EPHB1: variants seen among roughly 807,000 people sequenced by gnomAD.
The protein encoded by EPHB1 is ephrin type-B receptor 1.
EPHB1 carries 30 observed loss-of-function variants against 94.4 expected under a neutral mutation model. The ratio of observed to expected loss-of-function variants is 0.32; its 90% CI spans 0.24 to 0.43. EPHB1 has a LOEUF of 0.43. Among genes scored for constraint, EPHB1 ranks in the 20% least tolerant of loss-of-function variants. EPHB1 has a pLI of 1.00. For synonymous variants in EPHB1, 522 were observed against 489.1 expected (o/e 1.07, Z -0.89); for missense variants, 1,055 against 1,308.3 (o/e 0.81, Z 2.99).
intron 12 of EPHB1, among the ~76,000 whole-genome samples, chr3:135,237,687 G>A (rs908152995): frequency 6.6e-5 from 10 of 152,170 alleles, no homozygotes; most frequent in African/African-American, 9.7e-5. Context: ...TTCTGTGTCC[G>A]TATGAATGCA....
chr3:135,186,399 C>T (rs1012116446), intron 10 of EPHB1, among the ~76,000 whole-genome samples: 3 of 152,316 alleles, frequency 2.0e-5, no homozygotes, highest in East Asian at 1.9e-4. Flanking sequence ...GTTCTGCTCT[C>T]CCTGGTTTAG....
intron 1 of EPHB1, among the ~76,000 whole-genome samples, chr3:134,845,568 T>A (rs2036856532): frequency 6.6e-6 from 1 of 152,102 alleles, no homozygotes; most frequent in Admixed American, 6.5e-5. Flanking sequence ...TGTCCATGCC[T>A]CTTTGCCGTG....
At position 135,135,305 on chromosome 3, in the gene EPHB1, A is replaced by G. The variant is rs929419090; in HGVS notation, c.1297+2256A>G. Among the ~76,000 whole-genome samples, 6 of 152,178 alleles carry G rather than the reference A, an allele frequency of 3.9e-5. No homozygotes were observed. The East Asian group carries it at 1.2e-3, about 29-fold the overall frequency. ...GTGGTTCCTAATCTATGGGCTGTGG[A>G]CTGAGGAACAGGGTGCCATCGCACT... On this transcript the variant is annotated intron_variant, in intron 5 of 15. Transcript: ENST00000398015.
At chr3:135,048,374 A>G (rs1235029673) in intron 3 of EPHB1, among the ~76,000 whole-genome samples, 1 of 142,706 alleles carries the variant, frequency 7.0e-6, no homozygotes, top group Non-Finnish European at 1.5e-5. Context: ...GGCTTGGGTG[A>G]TTCTCCCACC....
chr3:134,899,890 A>T (rs1387376833), intron 1 of EPHB1, among the ~76,000 whole-genome samples: 1 of 152,188 alleles, frequency 6.6e-6, no homozygotes, highest in Non-Finnish European at 1.5e-5. Flanking sequence ...CAAGGGTATA[A>T]CAGAGAGTCA....
chr3:135,142,665 C>T (rs909707574), intron 5 of EPHB1, among the ~76,000 whole-genome samples: 1 of 152,038 alleles, frequency 6.6e-6, no homozygotes, highest in African/African-American at 2.4e-5. Flanking sequence ...TTTTGAAAAT[C>T]GAGTGACTTT....
intron 7 of EPHB1, among the ~76,000 whole-genome samples, chr3:135,163,443 G>T (rs377537834): frequency 1.7e-4 from 26 of 152,248 alleles, no homozygotes; most frequent in African/African-American, 6.3e-4. Context: ...GTTTATTTGA[G>T]GTGGACTTTC....
intron 3 of EPHB1, among the ~76,000 whole-genome samples, chr3:135,048,248 C>T (rs796918312): frequency 6.5e-3 from 567 of 87,000 alleles, no homozygotes; most frequent in Middle Eastern, 0.014. Context: ...CTTTTTCTTT[C>T]TTTCTTTTTT....
rs141634767 is a variant in EPHB1 at position 135,243,623 on chromosome 3, G to A, written c.2496+2326G>A. Among the ~76,000 whole-genome samples the A allele has an allele frequency of 2.6e-3, 403 of 152,326 alleles. 3 individuals carry two copies. Among genetic ancestry groups the A allele is most frequent in the African/African-American group, 9.1e-3 (380 of 41,572 alleles). ...CTGGCCTGGGAGAGAGCCAGGAGGG[G>A]CTCCCAGCTGCCGGGCTGAAGCCTC... On this transcript the variant is annotated intron_variant, in intron 13 of 15. Coordinates refer to ENST00000398015, the MANE Select transcript of EPHB1 (RefSeq NM_004441.5).
At chr3:135,083,619 G>A (rs1161821586) in intron 3 of EPHB1, among the ~76,000 whole-genome samples, 2 of 151,954 alleles carry the variant, frequency 1.3e-5, no homozygotes, top group Non-Finnish European at 2.9e-5. Flanking sequence ...ATGGAGGGGG[G>A]ATTAATTTCT....
At chr3:135,146,947 C>A (rs1413328595) in intron 5 of EPHB1, among the ~76,000 whole-genome samples, 1 of 152,198 alleles carries the variant, frequency 6.6e-6, no homozygotes, top group Non-Finnish European at 1.5e-5. Context: ...ACACAGAGAA[C>A]ATCTTCAAAA....
At chr3:134,929,872 G>T (rs1181358464) in intron 2 of EPHB1, among the ~76,000 whole-genome samples, 2 of 152,206 alleles carry the variant, frequency 1.3e-5, no homozygotes, top group East Asian at 1.9e-4. Flanking sequence ...GAGAGCAGGG[G>T]TCCTCCTTTT....
intron 7 of EPHB1, 109 bp downstream of exon 7, chr3:135,162,289 C>T: frequency 8.0e-7 from 1 of 1,244,104 alleles, no homozygotes. Context: ...AACTGGATTC[C>T]AGTGGAATTC....
chr3:135,051,566 C>T (rs758403271), intron 3 of EPHB1, among the ~76,000 whole-genome samples: 6 of 152,250 alleles, frequency 3.9e-5, no homozygotes, highest in Non-Finnish European at 8.8e-5. Flanking sequence ...AGTAACTGCT[C>T]TCCTATTTCT....
chr3:134,837,045 C>T (rs919581980), intron 1 of EPHB1, among the ~76,000 whole-genome samples: 1 of 152,228 alleles, frequency 6.6e-6, no homozygotes, highest in Non-Finnish European at 1.5e-5. Context: ...CATGTTCACT[C>T]TCAGCTTTGA....
chr3:135,129,538 A>G (rs1559843413), intron 4 of EPHB1, among the ~76,000 whole-genome samples: 3 of 152,196 alleles, frequency 2.0e-5, no homozygotes, highest in Non-Finnish European at 2.9e-5. Flanking sequence ...ACACTGAGCA[A>G]AGGTAGAAAA....
chr3:134,842,346 T>C (rs1306745185), intron 1 of EPHB1, among the ~76,000 whole-genome samples: 1 of 152,184 alleles, frequency 6.6e-6, no homozygotes, highest in Non-Finnish European at 1.5e-5. Flanking sequence ...CCCAAACAGA[T>C]AAAGACAGTT....
chr3:135,005,255 C>T (rs1935354675), intron 3 of EPHB1, among the ~76,000 whole-genome samples: 2 of 152,266 alleles, frequency 1.3e-5, no homozygotes, highest in South Asian at 4.1e-4. Context: ...GGGGGTGCCT[C>T]CCAGTTAGGC....
intron 10 of EPHB1, among the ~76,000 whole-genome samples, chr3:135,185,321 G>A (rs1942300732): frequency 6.6e-6 from 1 of 152,164 alleles, no homozygotes; most frequent in Non-Finnish European, 1.5e-5. Flanking sequence ...ACAGTCCTGG[G>A]GTCATTCAGA....
Sources: allele counts gnomAD v4.1 joint callset (sites outside exome capture counted in the v4.1 genomes callset), GRCh38; gene constraint gnomAD v4.1.1; transcripts MANE v1.5; gene names NCBI Gene and HGNC (gene_info 2026-07-23, HGNC 2026-07-21).